Variants in PPP1R9A observed in about 807,000 individuals in gnomAD.
PPP1R9A encodes the protein protein phosphatase 1 regulatory subunit 9A, also known as neurabin-1.
Under a neutral mutation model 141.9 loss-of-function variants are expected in PPP1R9A, and 59 were observed. The ratio of observed to expected loss-of-function variants is 0.42; its 90% CI spans 0.34 to 0.52. The LOEUF (loss-of-function observed/expected upper bound fraction) is 0.52. Ranked by LOEUF, PPP1R9A falls within the 20% of genes least tolerant of loss-of-function variation. PPP1R9A has a pLI of 0.10. For synonymous variants in PPP1R9A, 500 were observed against 569.7 expected (o/e 0.88, Z 1.74); for missense variants, 1,444 against 1,611.9 (o/e 0.90, Z 1.78).
At chr7:95,201,942 A>T (rs774244953) in intron 6 of PPP1R9A, among the ~76,000 whole-genome samples, 46 of 152,176 alleles carry the variant, frequency 3.0e-4, no homozygotes, top group Non-Finnish European at 5.7e-4. Flanking sequence ...CTGCTGAAGG[A>T]TAGATAGCTT....
At chr7:94,991,190 A>T (rs1467499825) in intron 2 of PPP1R9A, among the ~76,000 whole-genome samples, 1 of 152,032 alleles carries the variant, frequency 6.6e-6, no homozygotes, top group Admixed American at 6.6e-5. Context: ...TCTTGCTAGC[A>T]TTTGCTATGT....
chr7:95,033,315 A>T (rs1807974367), intron 2 of PPP1R9A, among the ~76,000 whole-genome samples: 3 of 151,350 alleles, frequency 2.0e-5, no homozygotes, highest in Non-Finnish European at 2.9e-5. Context: ...CTCCTGGCCT[A>T]ATTTTTTATT....
chr7:95,109,112 A>G (rs59172673), intron 2 of PPP1R9A, among the ~76,000 whole-genome samples: 1 of 152,336 alleles, frequency 6.6e-6, no homozygotes, highest in Non-Finnish European at 1.5e-5. Context: ...AATGTTTTCC[A>G]AAAAACTATA....
chr7:94,978,435 C>T (rs1344732904), intron 2 of PPP1R9A, among the ~76,000 whole-genome samples: 1 of 152,166 alleles, frequency 6.6e-6, no homozygotes, highest in Non-Finnish European at 1.5e-5. Context: ...TACAGATTCT[C>T]CTTCAGTAAA....
intron 2 of PPP1R9A, among the ~76,000 whole-genome samples, chr7:95,093,060 G>T (rs1584647670): frequency 2.0e-5 from 3 of 152,268 alleles, no homozygotes; most frequent in Admixed American, 6.5e-5. Context: ...GAGATGACAT[G>T]CCATGCCAAC....
At chr7:95,268,388 C>T (rs1418166941) in intron 12 of PPP1R9A, among the ~76,000 whole-genome samples, 162 bp from the exon 13 acceptor site, 1 of 151,934 alleles carries the variant, frequency 6.6e-6, no homozygotes, top group African/African-American at 2.4e-5. Flanking sequence ...TTCTCCTAAG[C>T]CCCACTGATT....
At chr7:94,917,438 GCT>G (rs1792222931) in intron 2 of PPP1R9A, among the ~76,000 whole-genome samples, 1 of 152,046 alleles carries the variant, frequency 6.6e-6, no homozygotes. Flanking sequence ...ACAAGGTCTT[GCT>G]CTGTCACCCT....
At chr7:95,141,337 C>T (rs1435358215) in intron 4 of PPP1R9A, among the ~76,000 whole-genome samples, 1 of 152,078 alleles carries the variant, frequency 6.6e-6, no homozygotes, top group Non-Finnish European at 1.5e-5. Context: ...TATTTTTTTA[C>T]ACCTTTATTG....
chr7:95,243,533 G>A (rs1797739203), intron 8 of PPP1R9A, among the ~76,000 whole-genome samples: 1 of 152,088 alleles, frequency 6.6e-6, no homozygotes, highest in Non-Finnish European at 1.5e-5. Flanking sequence ...TTTCCAGTTG[G>A]AGTAATAACT....
At position 95,077,311 on chromosome 7, in the gene PPP1R9A, A is replaced by G. The variant is rs575072749; in HGVS notation, c.1396-33948A>G. On this transcript the variant is annotated intron_variant, in intron 2 of 19. Coordinates refer to ENST00000433360, the MANE Select transcript of PPP1R9A (RefSeq NM_001166160.2). ...AGTGATCTTCAAACAGTTAATTTATATAATCTGTGATTTTTAAAAATCAGT... is the reference window on the plus strand; with the variant it reads ...AGTGATCTTCAAACAGTTAATTTATGTAATCTGTGATTTTTAAAAATCAGT... Among the ~76,000 whole-genome samples, 24 of 152,276 alleles carry G rather than the reference A, an allele frequency of 1.6e-4. No homozygotes were observed. In the South Asian group the frequency reaches 4.6e-3, roughly 29 times the overall value.
intron 5 of PPP1R9A, among the ~76,000 whole-genome samples, chr7:95,189,626 C>CG (rs1835186411): frequency 6.6e-6 from 1 of 151,150 alleles, no homozygotes; most frequent in African/African-American, 2.4e-5. Context: ...TTAGTAGAGA[C>CG]GGGGTTTCAC....
chr7:95,244,909 G>A (rs1489111205), intron 8 of PPP1R9A, among the ~76,000 whole-genome samples: 1 of 152,132 alleles, frequency 6.6e-6, no homozygotes, highest in Non-Finnish European at 1.5e-5. Context: ...ATAAGGAACT[G>A]AATTTTACAG....
chr7:95,164,037 C>A (rs1014018085), intron 5 of PPP1R9A, among the ~76,000 whole-genome samples: 1 of 152,130 alleles, frequency 6.6e-6, no homozygotes, highest in Admixed American at 6.5e-5. Flanking sequence ...TGCGCCTGGC[C>A]CCATGTGCAG....
rs1015138541 is a variant in PPP1R9A at position 95,270,540 on chromosome 7, C to T, written c.3124+1033C>T. On this transcript the variant is annotated intron_variant, in intron 14 of 19. Coordinates refer to ENST00000433360, the MANE Select transcript of PPP1R9A (RefSeq NM_001166160.2). Reference sequence around the variant, plus strand: ...AACTGGCTAAATGATAAGCATCTAACGGAATATCAAATTAGAGGAAGTAAA... The same window carrying T: ...AACTGGCTAAATGATAAGCATCTAATGGAATATCAAATTAGAGGAAGTAAA... Among the ~76,000 whole-genome samples the T allele has an allele frequency of 4.6e-5, 7 of 151,902 alleles. No homozygotes were observed. The East Asian group carries it at 5.8e-4, about 13-fold the overall frequency.
rs1791278992 is a variant in PPP1R9A, at chr7:94,910,021, C to G, written c.-93C>G. 7.1e-6 allele frequency: 8 copies of G among 1,125,230 alleles called. No individual in the cohort carries two copies. The highest frequency in any genetic ancestry group is 1.0e-5 in the Non-Finnish European group (8 of 784,224). 69.7% of individuals were successfully genotyped at this position (1,125,230 alleles called of 1,614,324 possible). On this transcript the variant is annotated 5_prime_UTR_variant, in exon 2 of 20. Transcript: ENST00000433360. This position sits in a 1 kb window ranked among gnomAD's most constrained non-coding sequence, Gnocchi z 4.5. ...ACCATTTGAGAGGTACTTTTCTTGA[C>G]CCAATACTGGTGATTAGAGAAGAGA...
At chr7:95,214,244 A>T (rs1409993008) in intron 7 of PPP1R9A, 5 of 152,206 alleles carry the variant, frequency 3.3e-5, no homozygotes, top group Admixed American at 1.3e-4. Flanking sequence ...CAAGGCTGTA[A>T]GTGAGGTGTT....
intron 2 of PPP1R9A, among the ~76,000 whole-genome samples, chr7:95,040,339 G>A (rs368636872): frequency 3.9e-5 from 6 of 151,938 alleles, no homozygotes; most frequent in African/African-American, 1.2e-4. Context: ...TGCTATAAGG[G>A]ATTTAGAGGA....
At chr7:95,207,317 A>G (rs550758896) in intron 7 of PPP1R9A, among the ~76,000 whole-genome samples, 1 of 152,206 alleles carries the variant, frequency 6.6e-6, no homozygotes, top group African/African-American at 2.4e-5. Flanking sequence ...CCAATTGCAT[A>G]TAACTTATTC....
chr7:95,088,150 G>C (rs1208977809), intron 2 of PPP1R9A, among the ~76,000 whole-genome samples: 1 of 152,026 alleles, frequency 6.6e-6, no homozygotes, highest in Non-Finnish European at 1.5e-5. Flanking sequence ...TCTTTAATCA[G>C]AGTAGAATCC....
Sources: gnomAD v4.1 joint callset for allele counts (sites outside exome capture counted in the v4.1 genomes callset) on GRCh38, gnomAD v4.1.1 for gene constraint, Gnocchi (gnomAD v3.1) non-coding constraint, MANE v1.5 for transcripts, NCBI Gene and HGNC (gene_info 2026-07-23, HGNC 2026-07-21) for gene names.